BLTP3A: variants seen among roughly 807,000 people sequenced by gnomAD.
The protein encoded by BLTP3A is ICBP90 binding protein 1.
the BLTP3A span, among the ~76,000 whole-genome samples, chr6:34,831,824 C>G: frequency 2.0e-5 from 3 of 152,108 alleles, no homozygotes; most frequent in Non-Finnish European, 2.9e-5. Flanking sequence ...GGATCATTTT[C>G]TTTTCTTTTG....
At chr6:34,846,747 T>A in the BLTP3A span, among the ~76,000 whole-genome samples, 1 of 152,254 alleles carries the variant, frequency 6.6e-6, no homozygotes. Context: ...CCAATTTGGA[T>A]ACTCTTTATT....
chr6:34,847,864 T>A, the BLTP3A span, among the ~76,000 whole-genome samples: 2 of 150,562 alleles, frequency 1.3e-5, no homozygotes, highest in Admixed American at 1.3e-4. Context: ...CTTTTCTAGT[T>A]CTTTAAGATG....
the BLTP3A span, chr6:34,856,288 A>C: frequency 6.2e-7 from 1 of 1,614,150 alleles, no homozygotes; most frequent in Non-Finnish European, 8.5e-7. Context: ...TGGAGACCCG[A>C]GGCCAGTGGG....
At chr6:34,858,753 T>G in the BLTP3A span, 4 of 1,614,150 alleles carry the variant, frequency 2.5e-6, no homozygotes, top group Non-Finnish European at 3.4e-6. Context: ...AAGGCAGTAG[T>G]GGTATGGACA....
At chr6:34,806,607 A>T in the BLTP3A span, among the ~76,000 whole-genome samples, 1 of 152,200 alleles carries the variant, frequency 6.6e-6, no homozygotes, top group African/African-American at 2.4e-5. Context: ...GCAGTTTTCA[A>T]AGATATATGC....
chr6:34,831,220 T>C, the BLTP3A span, among the ~76,000 whole-genome samples: 4 of 151,886 alleles, frequency 2.6e-5, no homozygotes, highest in African/African-American at 9.7e-5. Context: ...CTCCACCTCC[T>C]GGGTTCAAGT....
chr6:34,834,293 A>G, the BLTP3A span: 2 of 1,614,174 alleles, frequency 1.2e-6, no homozygotes, highest in Non-Finnish European at 1.7e-6. Context: ...GATTCACTCC[A>G]AGGCCTTCCA....
the BLTP3A span, among the ~76,000 whole-genome samples, chr6:34,811,392 G>A: frequency 6.6e-6 from 1 of 152,112 alleles, no homozygotes; most frequent in Non-Finnish European, 1.5e-5. Flanking sequence ...AGACAGTGTG[G>A]TATTGGCATA....
the BLTP3A span, chr6:34,859,506 C>T: frequency 2.5e-6 from 4 of 1,614,164 alleles, no homozygotes; most frequent in Non-Finnish European, 3.4e-6. Context: ...CTAAGGATGC[C>T]TTCAGTTTGG....
the BLTP3A span, among the ~76,000 whole-genome samples, chr6:34,811,741 C>G: frequency 2.7e-5 from 4 of 148,352 alleles, no homozygotes; most frequent in Non-Finnish European, 5.9e-5. Flanking sequence ...GGCCTGTAAT[C>G]CTGCCCACTC....
the BLTP3A span, among the ~76,000 whole-genome samples, chr6:34,869,640 C>CT: frequency 0.027 from 2,163 of 81,430 alleles, 746 homozygotes; most frequent in African/African-American, 0.039. Context: ...ACATACACCA[C>CT]TTTTTTTTTT....
At chr6:34,872,323 T>C in the BLTP3A span, 1 of 1,606,450 alleles carries the variant, frequency 6.2e-7, no homozygotes, top group South Asian at 1.1e-5. Flanking sequence ...GTGAAAGAAC[T>C]GCCTATCCTA....
At chr6:34,870,739 A>G in the BLTP3A span, 1 of 1,351,382 alleles carries the variant, frequency 7.4e-7, no homozygotes, top group Non-Finnish European at 1.0e-6. Flanking sequence ...TCGTTCAGTC[A>G]GATGAGAATG....
At chr6:34,838,832 C>T in the BLTP3A span, among the ~76,000 whole-genome samples, 7 of 152,006 alleles carry the variant, frequency 4.6e-5, no homozygotes, top group African/African-American at 1.7e-4. Flanking sequence ...TAGTCCCAGC[C>T]ACTCAGACTG....
At chr6:34,867,321 G>T in the BLTP3A span, 2 of 1,614,098 alleles carry the variant, frequency 1.2e-6, no homozygotes, top group Non-Finnish European at 1.7e-6. Flanking sequence ...TATGGCCAGG[G>T]GTCACCAGCA....
At chr6:34,797,404 T>A in the BLTP3A span, among the ~76,000 whole-genome samples, 1 of 152,210 alleles carries the variant, frequency 6.6e-6, no homozygotes, top group Non-Finnish European at 1.5e-5. Context: ...TAGTTCATGA[T>A]GACTGCCTCC....
At chr6:34,847,101 G>A in the BLTP3A span, among the ~76,000 whole-genome samples, 1 of 152,148 alleles carries the variant, frequency 6.6e-6, no homozygotes, top group East Asian at 1.9e-4. Flanking sequence ...GAATTCCTGG[G>A]ATAAATCCCT....
At chr6:34,864,739 G>A in the BLTP3A span, among the ~76,000 whole-genome samples, 1 of 151,988 alleles carries the variant, frequency 6.6e-6, no homozygotes, top group Non-Finnish European at 1.5e-5. Flanking sequence ...AGGCCGAGGC[G>A]GGTGGATCAC....
chr6:34,859,710 T>A, the BLTP3A span: 1 of 1,276,470 alleles, frequency 7.8e-7, no homozygotes, highest in Non-Finnish European at 1.1e-6. Context: ...ATGGCCTATT[T>A]AATGGGCAGT....
Sources: gnomAD v4.1 joint callset for allele counts (sites outside exome capture counted in the v4.1 genomes callset) on GRCh38, gnomAD v4.1.1 for gene constraint, MANE v1.5 for transcripts, NCBI Gene and HGNC (gene_info 2026-07-23, HGNC 2026-07-21) for gene names.